Variants in MSRB2 observed in about 807,000 individuals in gnomAD.
MSRB2 encodes methionine sulfoxide reductase B2, also known as methionine-R-sulfoxide reductase B2, mitochondrial.
MSRB2 carries 17 observed loss-of-function variants against 19.0 expected under a neutral mutation model. The observed-to-expected ratio is 0.89, with a 90% CI of 0.61 to 1.34. The LOEUF (loss-of-function observed/expected upper bound fraction) is 1.34. Among genes scored for constraint, MSRB2 ranks in the 40% most tolerant of loss-of-function variants. MSRB2 has a pLI of 0.00. For synonymous variants in MSRB2, 107 were observed against 99.7 expected (o/e 1.07, Z -0.44); for missense variants, 208 against 237.6 (o/e 0.88, Z 0.82).
At position 23,095,602 on chromosome 10, in the gene MSRB2, G is replaced by C; in HGVS notation, c.-7G>C. 1 of 1,479,582 alleles carries C rather than the reference G, an allele frequency of 6.8e-7. No homozygotes were observed. The highest frequency in any genetic ancestry group is 8.9e-7 in the Non-Finnish European group (1 of 1,121,092). The allele number at this position is 1,479,582 out of a possible 1,614,324, so 91.7% of individuals were successfully genotyped here. A position where few individuals can be genotyped will look rare whatever the true frequency, so the allele number is the denominator to read the frequency against. ...GCAGAGGGCGGAGCGGCGCCGGAGC[G>C]GGCGTCATGGCGCGGCTCCTCTGGT... On this transcript the variant is annotated 5_prime_UTR_variant, in exon 1 of 5. Transcript: ENST00000376510.
At position 23,105,511 on chromosome 10, in the gene MSRB2, C is replaced by T. The variant is rs138515243; in HGVS notation, c.219+1267C>T. On this transcript the variant is annotated intron_variant, in intron 2 of 4. Coordinates refer to ENST00000376510, the MANE Select transcript of MSRB2 (RefSeq NM_012228.4). ...AGGCTCTGTTATCCATTTTTCCACT[C>T]TCTACCTCCATGTGTTCAAATTCTT... Among the ~76,000 whole-genome samples, 353 of 152,288 alleles carry T rather than the reference C, an allele frequency of 2.3e-3. 1 individual carries two copies. The highest frequency in any genetic ancestry group is 6.8e-3 in the African/African-American group (281 of 41,526).
intron 1 of MSRB2, among the ~76,000 whole-genome samples, chr10:23,097,219 C>T (rs1018299053): frequency 1.3e-5 from 2 of 151,774 alleles, no homozygotes; most frequent in African/African-American, 2.4e-5. Context: ...AAATGATAAA[C>T]GGAGTATTTC....
chr10:23,100,585 A>G (rs917262225), intron 1 of MSRB2, among the ~76,000 whole-genome samples: 1 of 152,220 alleles, frequency 6.6e-6, no homozygotes, highest in Non-Finnish European at 1.5e-5. Context: ...GGAAGCAAGC[A>G]CATAAGCAAG....
In MSRB2 at chr10:23,095,740, C is replaced by T; in HGVS notation, c.118+14C>T. ...TGGGGGAGGCAGGTAGGACGCGGGT[C>T]CCGCAGGCCCCGCCGCCGCCTACGG... On this transcript the variant is annotated intron_variant, in intron 1 of 4. Coordinates refer to ENST00000376510, the MANE Select transcript of MSRB2 (RefSeq NM_012228.4). 8.1e-7 allele frequency: 1 copy of T among 1,233,144 alleles called. No individual in the cohort carries two copies. Among genetic ancestry groups the T allele is most frequent in the Non-Finnish European group, 1.0e-6 (1 of 984,940 alleles). 76.4% of individuals were successfully genotyped at this position (1,233,144 alleles called of 1,614,324 possible).
chr10:23,111,232 C>T (rs768063488), intron 3 of MSRB2, among the ~76,000 whole-genome samples: 2 of 152,138 alleles, frequency 1.3e-5, no homozygotes, highest in Non-Finnish European at 2.9e-5. Flanking sequence ...GGCCTTTGCC[C>T]GGATGCATTC....
intron 1 of MSRB2, among the ~76,000 whole-genome samples, chr10:23,096,352 C>CTCTCTCTCTCTGTGTGTGTGTG (rs144653384): frequency 7.0e-6 from 1 of 142,750 alleles, no homozygotes; most frequent in East Asian, 2.0e-4. Context: ...CTCTCTCTCT[C>CTCTCTCTCTCTGTGTGTGTGTG]TGTGTGTGTG....
At chr10:23,109,117 G>T (rs1057349662) in intron 2 of MSRB2, among the ~76,000 whole-genome samples, 14 of 152,184 alleles carry the variant, frequency 9.2e-5, no homozygotes, top group African/African-American at 2.9e-4. Context: ...CTTTCCTCTG[G>T]CCCATAGGAG....
chr10:23,100,698 G>A (rs1470645669), intron 1 of MSRB2, among the ~76,000 whole-genome samples: 1 of 152,096 alleles, frequency 6.6e-6, no homozygotes. Context: ...CAGCACCAAA[G>A]GGGAAATATG....
chr10:23,096,346 C>CTGTGTGTGTGTGTGTGTGTGTGTG (rs1488263441), intron 1 of MSRB2, among the ~76,000 whole-genome samples: 3 of 61,220 alleles, frequency 4.9e-5, no homozygotes, highest in African/African-American at 2.6e-4. Flanking sequence ...GTGTCTCTCT[C>CTGTGTGTGTGTGTGTGTGTGTGTG]TCTCTCTGTG....
intron 1 of MSRB2, among the ~76,000 whole-genome samples, chr10:23,098,020 G>T (rs1839885499): frequency 6.6e-6 from 1 of 152,108 alleles, no homozygotes; most frequent in Non-Finnish European, 1.5e-5. Flanking sequence ...AACTGAAAAA[G>T]GAAAGTAAGA....
chr10:23,110,335 A>T lies in MSRB2; in HGVS notation c.296+17A>T. 3 of 1,607,622 alleles carry T rather than the reference A, an allele frequency of 1.9e-6. No individual in the cohort carries two copies. Among genetic ancestry groups the T allele is most frequent in the Non-Finnish European group, 2.6e-6 (3 of 1,174,422 alleles). On this transcript the variant is annotated intron_variant, in intron 3 of 4. Coordinates refer to ENST00000376510, the MANE Select transcript of MSRB2 (RefSeq NM_012228.4). ...ACTCTTCAGGTAAGATAAAGAATTG[A>T]GAGCCACGGAAGGAGACCAAACCTC... is the stretch of plus-strand genomic sequence containing the variant.
At position 23,120,740 on chromosome 10, in the gene MSRB2, G is replaced by C; in HGVS notation, c.445-18G>C. On this transcript the variant is annotated intron_variant, in intron 4 of 4. Transcript: ENST00000376510. ...TTTGTTTGCATTTGGAGATGACAGA[G>C]GCTTCTGTCCTTTGCAGTGTGAAGC... 1 of 1,584,826 alleles carries C rather than the reference G, an allele frequency of 6.3e-7. No homozygotes were observed. The highest frequency in any genetic ancestry group is 8.6e-7 in the Non-Finnish European group (1 of 1,157,810).
chr10:23,098,338 G>T (rs1005093607), intron 1 of MSRB2, among the ~76,000 whole-genome samples: 1 of 152,152 alleles, frequency 6.6e-6, no homozygotes, highest in African/African-American at 2.4e-5. Flanking sequence ...ACCAAGAGTG[G>T]ATTTCCTTAG....
At position 23,110,261 on chromosome 10, in the gene MSRB2, T is replaced by C. The variant is rs1840035033; in HGVS notation, c.239T>C (p.Leu80Pro). The change falls in exon 3 of 5, where the codon CTG becomes CCG. Residue 80 changes from leucine to proline, a missense_variant. By Grantham distance (98) the Leu-to-Pro change is moderately conservative. Coordinates refer to ENST00000376510, the MANE Select transcript of MSRB2 (RefSeq NM_012228.4). ...TTTCAGCCTTTCAGTGGGATCTACCTGAATAACAAGGAAGCAGGAATGTAT... is the reference window on the plus strand; with the variant it reads ...TTTCAGCCTTTCAGTGGGATCTACCCGAATAACAAGGAAGCAGGAATGTAT... ...GTEPPFSGIY[L>P]NNKEAGMYHC... 6.2e-7 allele frequency: 1 copy of C among 1,613,772 alleles called. No homozygotes were observed. The highest frequency in any genetic ancestry group is 1.1e-5 in the South Asian group (1 of 91,042).
Position 23,120,354 on chromosome 10 carries a change from C to T in MSRB2, c.445-404C>T, listed in dbSNP as rs778614238. 3.9e-5 allele frequency among the ~76,000 whole-genome samples: 6 copies of T among 152,286 alleles called. No individual in the cohort carries two copies. In the East Asian group the frequency reaches 7.7e-4, roughly 20 times the overall value. ...ATTAGAGGCAAGCTGATTAAGATAG[C>T]GTGGTTTTGCCTTAAGTAATAAATA... is the stretch of plus-strand genomic sequence containing the variant. On this transcript the variant is annotated intron_variant, in intron 4 of 4. Transcript: ENST00000376510.
Position 23,104,187 on chromosome 10 carries a change from G to A in MSRB2, c.162G>A (p.Trp54Ter). ...TCELPLAKSE[W>*]QKKLTPEQFY... ...AGCTGCCTCTTGCCAAGAGTGAGTG[G>A]CAAAAGAAACTAACCCCGGAGCAGT... The change falls in exon 2 of 5, where the codon TGG (tryptophan) becomes TGA (stop). Residue 54 changes from tryptophan (W) to a stop codon, truncating the protein, a stop_gained. Transcript: ENST00000376510. LOFTEE classifies it high-confidence loss of function. The A allele has an allele frequency of 1.2e-6, 2 of 1,613,836 alleles. No homozygotes were observed. The highest frequency in any genetic ancestry group is 1.7e-6 in the Non-Finnish European group (2 of 1,179,860).
chr10:23,098,710 C>T (rs919755199), intron 1 of MSRB2, among the ~76,000 whole-genome samples: 3 of 152,248 alleles, frequency 2.0e-5, no homozygotes, highest in Non-Finnish European at 4.4e-5. Flanking sequence ...GAGACCTTGT[C>T]GTGTATCTAA....
chr10:23,120,084 TC>T (rs1346098733), intron 4 of MSRB2, among the ~76,000 whole-genome samples: 9 of 152,116 alleles, frequency 5.9e-5, no homozygotes, highest in Non-Finnish European at 1.0e-4. Flanking sequence ...GAGCAGGAAG[TC>T]CTTATCCTGT....
chr10:23,100,601 C>T (rs1839917262), intron 1 of MSRB2, among the ~76,000 whole-genome samples: 1 of 152,140 alleles, frequency 6.6e-6, no homozygotes, highest in Admixed American at 6.5e-5. Flanking sequence ...GCAAGCACAT[C>T]TTACATGGTC....
Sources: gnomAD v4.1 joint callset for allele counts (sites outside exome capture counted in the v4.1 genomes callset) on GRCh38, gnomAD v4.1.1 for gene constraint, MANE v1.5 for transcripts, NCBI Gene and HGNC (gene_info 2026-07-23, HGNC 2026-07-21) for gene names.